ERICH3: variants seen among roughly 807,000 people sequenced by gnomAD.
The protein encoded by ERICH3 is glutamate-rich protein 3.
In ERICH3, 126 loss-of-function variants were observed where a neutral mutation model predicts 131.1. The observed-to-expected ratio is 0.96, with a 90% CI of 0.83 to 1.11. The LOEUF (loss-of-function observed/expected upper bound fraction) is 1.11. Among genes scored for constraint, ERICH3 ranks in the 50% most tolerant of loss-of-function variants. ERICH3 has a pLI of 0.00. For synonymous variants in ERICH3, 695 were observed against 644.6 expected (o/e 1.08, Z -1.18); for missense variants, 2,050 against 1,810.7 (o/e 1.13, Z -2.40).
At chr1:74,654,466 A>G (rs1212391832) in intron 1 of ERICH3, among the ~76,000 whole-genome samples, 6 of 152,066 alleles carry the variant, frequency 3.9e-5, no homozygotes, top group Non-Finnish European at 8.8e-5. Context: ...TAGCCTAGGT[A>G]GCTTAAACAA....
chr1:74,669,487 A>T (rs2100662138), intron 1 of ERICH3, among the ~76,000 whole-genome samples: 1 of 152,302 alleles, frequency 6.6e-6, no homozygotes, highest in Non-Finnish European at 1.5e-5. Flanking sequence ...TAAAACCACC[A>T]TTCCACCTCT....
intron 7 of ERICH3, 64 bp downstream of exon 7, chr1:74,631,649 G>T: frequency 7.4e-7 from 1 of 1,349,330 alleles, no homozygotes; most frequent in South Asian, 1.2e-5. Flanking sequence ...TGCAAACCTA[G>T]AAATCTAATA....
At chr1:74,663,417 G>A (rs1646660385) in intron 1 of ERICH3, among the ~76,000 whole-genome samples, 1 of 152,114 alleles carries the variant, frequency 6.6e-6, no homozygotes, top group Admixed American at 6.5e-5. Context: ...AAGCTCTGTA[G>A]TGGACATGGT....
intron 12 of ERICH3, among the ~76,000 whole-genome samples, chr1:74,587,024 C>G (rs17095642): frequency 6.6e-6 from 1 of 151,986 alleles, no homozygotes; most frequent in Non-Finnish European, 1.5e-5. Flanking sequence ...ACATATATTA[C>G]GGCTTAACAA....
chr1:74,594,192 C>G (rs962409466), intron 11 of ERICH3, among the ~76,000 whole-genome samples: 1 of 151,726 alleles, frequency 6.6e-6, no homozygotes, highest in Non-Finnish European at 1.5e-5. Flanking sequence ...TATCATGATG[C>G]TATTTTATGA....
chr1:74,600,570 C>A (rs925703002), intron 10 of ERICH3, among the ~76,000 whole-genome samples: 3 of 151,808 alleles, frequency 2.0e-5, no homozygotes, highest in Non-Finnish European at 4.4e-5. Context: ...AAAATTTACA[C>A]AAAATAGAAT....
intron 1 of ERICH3, among the ~76,000 whole-genome samples, chr1:74,659,755 C>CCCA (rs1646622651): frequency 6.6e-6 from 1 of 152,144 alleles, no homozygotes; most frequent in South Asian, 2.1e-4. Context: ...TATACTCATA[C>CCCA]AAGAAGGGTA....
chr1:74,634,539 A>T, intron 6 of ERICH3: 1 of 602,384 alleles, frequency 1.7e-6, no homozygotes, highest in Non-Finnish European at 3.0e-6. Context: ...TAAAGGAAAA[A>T]AAAATTGCTC....
At chr1:74,669,734 T>A (rs766969536) in intron 1 of ERICH3, among the ~76,000 whole-genome samples, 2 of 152,224 alleles carry the variant, frequency 1.3e-5, no homozygotes, top group Admixed American at 1.3e-4. Flanking sequence ...CCTAACTCTA[T>A]CTGAACAAAG....
intron 4 of ERICH3, among the ~76,000 whole-genome samples, 181 bp downstream of exon 4, chr1:74,642,846 A>G (rs766248572): frequency 1.3e-4 from 20 of 152,120 alleles, no homozygotes; most frequent in Non-Finnish European, 2.4e-4. Flanking sequence ...CAGCTCCTAT[A>G]TTTGTCACAA....
At chr1:74,671,392 T>A (rs956829142) in intron 1 of ERICH3, among the ~76,000 whole-genome samples, 2 of 152,222 alleles carry the variant, frequency 1.3e-5, no homozygotes, top group Non-Finnish European at 2.9e-5. Context: ...CTACTGTCTG[T>A]TATTACACCC....
At chr1:74,670,724 A>G (rs947035990) in intron 1 of ERICH3, among the ~76,000 whole-genome samples, 37 of 152,160 alleles carry the variant, frequency 2.4e-4, no homozygotes, top group African/African-American at 8.2e-4. Flanking sequence ...GAACAGAATA[A>G]CAGCGATTTT....
chr1:74,620,141 A>G (rs1649151525), intron 8 of ERICH3, among the ~76,000 whole-genome samples: 1 of 152,240 alleles, frequency 6.6e-6, no homozygotes. Flanking sequence ...GCTCCCTTGA[A>G]CTAAATATTG....
intron 7 of ERICH3, chr1:74,625,782 C>G (rs1649395657): frequency 1.3e-5 from 2 of 152,008 alleles, no homozygotes; most frequent in African/African-American, 4.8e-5. Flanking sequence ...GCAATAGTTC[C>G]ATTAAAAGAT....
chr1:74,635,038 T>C (rs12123598), intron 6 of ERICH3, among the ~76,000 whole-genome samples: 64,932 of 151,914 alleles, frequency 0.43, 14,915 homozygotes, highest in Non-Finnish European at 0.52. Context: ...AGCCCCTGAA[T>C]ATCATTGAGT....
At chr1:74,617,963 G>A (rs1649049467) in intron 8 of ERICH3, among the ~76,000 whole-genome samples, 1 of 152,196 alleles carries the variant, frequency 6.6e-6, no homozygotes, top group South Asian at 2.1e-4. Flanking sequence ...GTGAGGCCAA[G>A]GCAGGGAGAT....
At chr1:74,644,902 T>C (rs1322194295) in intron 3 of ERICH3, among the ~76,000 whole-genome samples, 1 of 152,036 alleles carries the variant, frequency 6.6e-6, no homozygotes, top group Non-Finnish European at 1.5e-5. Context: ...AATTTAAGGC[T>C]CTCCAGAGAC....
intron 13 of ERICH3, among the ~76,000 whole-genome samples, chr1:74,576,188 T>C (rs1386724421): frequency 1.3e-5 from 2 of 152,222 alleles, no homozygotes; most frequent in South Asian, 2.1e-4. Flanking sequence ...AATGAGATAA[T>C]TTATGTAAAA....
At chr1:74,672,299 C>T (rs558873621) in intron 1 of ERICH3, among the ~76,000 whole-genome samples, 10 of 152,274 alleles carry the variant, frequency 6.6e-5, no homozygotes, top group African/African-American at 2.4e-4. Context: ...AAAAATTGCA[C>T]AGGAGTTCAG....
Sources: gnomAD v4.1 joint callset for allele counts (sites outside exome capture counted in the v4.1 genomes callset) on GRCh38, gnomAD v4.1.1 for gene constraint, MANE v1.5 for transcripts, NCBI Gene and HGNC (gene_info 2026-07-23, HGNC 2026-07-21) for gene names.